The following GUCY1A2 variants were observed in gnomAD, a reference collection of about 807,000 sequenced individuals.
GUCY1A2 encodes the protein guanylate cyclase soluble subunit alpha-2.
In GUCY1A2, 27 loss-of-function variants were observed where a neutral mutation model predicts 63.5. The ratio of observed to expected loss-of-function variants is 0.43; its 90% CI spans 0.31 to 0.59. The LOEUF is 0.59. Ranked by LOEUF, GUCY1A2 falls within the 20% of genes least tolerant of loss-of-function variation. The pLI is 0.11. For missense variants in GUCY1A2, 768 were observed against 913.3 expected (o/e 0.84, Z 2.05); for synonymous variants, 364 against 343.5 (o/e 1.06, Z -0.66).
At chr11:107,014,079 CTTTTTTTTTTT>C (rs71044206) in intron 1 of GUCY1A2, among the ~76,000 whole-genome samples, 6 of 70,018 alleles carry the variant, frequency 8.6e-5, no homozygotes, top group Non-Finnish European at 1.5e-4. Flanking sequence ...CCATGTTTTC[CTTTTTTTTTTT>C]TTTTTTTTTT....
chr11:106,738,377 C>A (rs1863627572), intron 6 of GUCY1A2, among the ~76,000 whole-genome samples: 1 of 152,198 alleles, frequency 6.6e-6, no homozygotes, highest in Non-Finnish European at 1.5e-5. Flanking sequence ...TTTTGCTGTG[C>A]AGAAGCTCTT....
At chr11:106,906,137 G>C (rs1860201853) in intron 4 of GUCY1A2, among the ~76,000 whole-genome samples, 1 of 151,968 alleles carries the variant, frequency 6.6e-6, no homozygotes, top group Admixed American at 6.6e-5. Flanking sequence ...AAAAGAAACT[G>C]TCATCAGAGT....
At chr11:106,901,840 T>C (rs1255875767) in intron 4 of GUCY1A2, among the ~76,000 whole-genome samples, 1 of 152,226 alleles carries the variant, frequency 6.6e-6, no homozygotes, top group African/African-American at 2.4e-5. Flanking sequence ...GGCCGCACAG[T>C]ATTCCATGGT....
At position 106,790,767 on chromosome 11, in the gene GUCY1A2, C is replaced by T. The variant is rs114517979; in HGVS notation, c.1693-14185G>A. ...GTTCCCCTTGTGGCCCATGGTGTGT[C>T]TAGAAATGTCTGGGAACTAGTGCCT... On this transcript the variant is annotated intron_variant, in intron 5 of 7. Transcript: ENST00000526355. Among the ~76,000 whole-genome samples the T allele has an allele frequency of 1.2e-4, 19 of 152,182 alleles. 1 individual carries two copies. Among genetic ancestry groups the T allele is most frequent in the African/African-American group, 4.1e-4 (17 of 41,510 alleles).
chr11:106,964,976 T>A (rs1321639694), intron 3 of GUCY1A2, among the ~76,000 whole-genome samples: 3 of 151,684 alleles, frequency 2.0e-5, no homozygotes, highest in African/African-American at 7.3e-5. Flanking sequence ...CAAGACTCCA[T>A]CTCAAAAAAA....
chr11:106,860,981 G>C (rs948821082), intron 4 of GUCY1A2, among the ~76,000 whole-genome samples: 1 of 151,868 alleles, frequency 6.6e-6, no homozygotes, highest in African/African-American at 2.4e-5. Flanking sequence ...TTTTAAGAAG[G>C]AGGAGGAGGA....
In GUCY1A2 at chr11:106,759,167, G is replaced by GGA. The variant is rs1555027584; in HGVS notation, c.1836+17271_1836+17272insTC. On this transcript the variant is annotated intron_variant, in intron 6 of 7. Transcript: ENST00000526355. ...ATCTAAAATAAAAGTTGAAATTATT[G>GGA]AAAAAAAAAAAAGCAAGTATTTGCA... Among the ~76,000 whole-genome samples the GGA allele has an allele frequency of 7.1e-5, 10 of 140,720 alleles. No individual in the cohort carries two copies. The East Asian group carries it at 2.1e-3, about 29-fold the overall frequency. The allele number at this position is 140,720 out of a possible 152,430, so 92.3% of individuals were successfully genotyped here. A position where few individuals can be genotyped will look rare whatever the true frequency, so the allele number is the denominator to read the frequency against.
chr11:106,904,758 G>A (rs140618438), intron 4 of GUCY1A2, among the ~76,000 whole-genome samples: 6 of 151,640 alleles, frequency 4.0e-5, no homozygotes, highest in Non-Finnish European at 5.9e-5. Context: ...CAATCTGAGA[G>A]TGAGAGCTCA....
intron 6 of GUCY1A2, among the ~76,000 whole-genome samples, chr11:106,732,856 T>C (rs1398798740): frequency 6.6e-6 from 1 of 152,096 alleles, no homozygotes; most frequent in East Asian, 1.9e-4. Flanking sequence ...AGAAAAGATA[T>C]CAGAAACAAG....
At chr11:107,006,292 C>G (rs964319068) in intron 1 of GUCY1A2, among the ~76,000 whole-genome samples, 1 of 152,160 alleles carries the variant, frequency 6.6e-6, no homozygotes, top group African/African-American at 2.4e-5. Flanking sequence ...ATTCACTGTT[C>G]ACATTTTATT....
chr11:106,770,880 C>G (rs531441202), intron 6 of GUCY1A2, among the ~76,000 whole-genome samples: 1 of 148,352 alleles, frequency 6.7e-6, no homozygotes, highest in Admixed American at 6.7e-5. Context: ...ATAGCATTTC[C>G]CTGATTTGCA....
At chr11:106,726,160 A>T (rs1012141683) in intron 6 of GUCY1A2, among the ~76,000 whole-genome samples, 1 of 152,152 alleles carries the variant, frequency 6.6e-6, no homozygotes, top group Non-Finnish European at 1.5e-5. Context: ...CACGCCTGTA[A>T]TCCCAGCAAT....
chr11:106,982,359 A>G (rs950501783), intron 2 of GUCY1A2, among the ~76,000 whole-genome samples: 4 of 152,100 alleles, frequency 2.6e-5, no homozygotes, highest in Admixed American at 2.0e-4. Flanking sequence ...GCTCCTCACT[A>G]ATCTTTCCAC....
intron 6 of GUCY1A2, among the ~76,000 whole-genome samples, chr11:106,765,447 G>A (rs562604381): frequency 4.6e-5 from 7 of 152,154 alleles, no homozygotes; most frequent in South Asian, 4.2e-4. Flanking sequence ...GCTGTAATTC[G>A]TGGGAGGATC....
rs981707170 is a variant in GUCY1A2 at position 106,675,944 on chromosome 11, G to A, written c.*11605C>T. ...ATCTGTTAGAATTTAAGACCCCTGAGGTACATAACAGAAAAGTCCAAATAA... is the reference window on the plus strand; with the variant it reads ...ATCTGTTAGAATTTAAGACCCCTGAAGTACATAACAGAAAAGTCCAAATAA... On this transcript the variant is annotated 3_prime_UTR_variant, in exon 8 of 8. Transcript: ENST00000526355. 5.3e-6 allele frequency: 1 copy of A among 187,760 alleles called. No homozygotes were observed. The highest frequency in any genetic ancestry group is 2.3e-5 in the African/African-American group (1 of 42,736). 11.6% of individuals were successfully genotyped at this position (187,760 alleles called of 1,614,324 possible).
At chr11:106,907,250 G>A (rs1294718838) in intron 4 of GUCY1A2, among the ~76,000 whole-genome samples, 1 of 151,902 alleles carries the variant, frequency 6.6e-6, no homozygotes, top group Non-Finnish European at 1.5e-5. Flanking sequence ...GTGCACCTAT[G>A]GCTTGCCATA....
chr11:106,768,077 G>GTGAT (rs780421239), intron 6 of GUCY1A2, among the ~76,000 whole-genome samples: 7 of 152,130 alleles, frequency 4.6e-5, no homozygotes, highest in Non-Finnish European at 8.8e-5. Context: ...AATCTGGCCA[G>GTGAT]TGATTGCAGT....
chr11:106,805,650 T>A (rs2135421585), intron 5 of GUCY1A2, among the ~76,000 whole-genome samples: 1 of 152,326 alleles, frequency 6.6e-6, no homozygotes, highest in Admixed American at 6.5e-5. Context: ...TGCCTGCACC[T>A]GGGACCACTG....
chr11:106,930,574 T>G (rs2119940715), intron 4 of GUCY1A2, among the ~76,000 whole-genome samples: 1 of 152,344 alleles, frequency 6.6e-6, no homozygotes, highest in South Asian at 2.1e-4. Flanking sequence ...GAAATTACCA[T>G]AAAACCCAAT....
Sources: gnomAD v4.1 joint callset for allele counts (sites outside exome capture counted in the v4.1 genomes callset) on GRCh38, gnomAD v4.1.1 for gene constraint, MANE v1.5 for transcripts, NCBI Gene and HGNC (gene_info 2026-07-23, HGNC 2026-07-21) for gene names.